Variants in ENAH observed in about 807,000 individuals in gnomAD.
The protein encoded by ENAH is protein enabled homolog.
A neutral mutation model predicts 78.7 loss-of-function variants in ENAH; 23 were observed. The observed-to-expected ratio is 0.29, with a 90% CI of 0.21 to 0.41. The LOEUF (loss-of-function observed/expected upper bound fraction) is 0.41, where lower values mean the gene tolerates loss of function less well. Among genes scored for constraint, ENAH ranks in the 10% least tolerant of loss-of-function variants. ENAH has a pLI of 1.00. For missense variants in ENAH, 544 were observed against 691.0 expected (o/e 0.79, Z 2.39); for synonymous variants, 226 against 241.0 (o/e 0.94, Z 0.58).
intron 3 of ENAH, among the ~76,000 whole-genome samples, chr1:225,537,502 T>C (rs2096567481): frequency 6.6e-6 from 1 of 152,214 alleles, no homozygotes; most frequent in African/African-American, 2.4e-5. Context: ...ATCATATGCA[T>C]AAGCCTAACA....
At chr1:225,524,458 T>C (rs1006474636) in intron 4 of ENAH, 1 of 298,430 alleles carries the variant, frequency 3.4e-6, no homozygotes, top group Admixed American at 6.5e-5. Flanking sequence ...TCTCAGAAAA[T>C]AAAACTACAC....
chr1:225,652,388 C>G, intron 1 of ENAH: 1 of 985,364 alleles, frequency 1.0e-6, no homozygotes, highest in Non-Finnish European at 1.2e-6. Flanking sequence ...CTTGCAAAGG[C>G]TTGGGGGAGG....
At chr1:225,606,987 C>T (rs1239779631) in intron 1 of ENAH, among the ~76,000 whole-genome samples, 8 of 152,038 alleles carry the variant, frequency 5.3e-5, no homozygotes, top group Non-Finnish European at 1.2e-4. Flanking sequence ...GGCACACAGA[C>T]CTGTGAAGGC....
intron 1 of ENAH, among the ~76,000 whole-genome samples, chr1:225,640,817 C>A (rs963914762): frequency 6.6e-6 from 1 of 151,352 alleles, no homozygotes; most frequent in African/African-American, 2.4e-5. Context: ...TAAATGCCAA[C>A]ACTGAAATTA....
chr1:225,488,171 A>T lies in ENAH; in HGVS notation c.*9604T>A, dbSNP rs893907404. 1 of 145,278 alleles carries T rather than the reference A, an allele frequency of 6.9e-6. No individual in the cohort carries two copies. Among genetic ancestry groups the T allele is most frequent in the African/African-American group, 2.5e-5 (1 of 40,598 alleles). 9.0% of individuals were successfully genotyped at this position (145,278 alleles called of 1,614,324 possible). ...TCAAGGACAAGGTTTTTATTTATTT[A>T]TTTATTTATTATTTATTTATTTATT... On this transcript the variant is annotated 3_prime_UTR_variant, in exon 14 of 14. Coordinates refer to ENST00000366843, the MANE Select transcript of ENAH (RefSeq NM_018212.6).
chr1:225,513,385 G>C (rs1225081630), intron 7 of ENAH, among the ~76,000 whole-genome samples: 3 of 152,126 alleles, frequency 2.0e-5, no homozygotes. Flanking sequence ...TTGTCCTACA[G>C]TCTTCAAAAA....
Position 225,514,879 on chromosome 1 carries a change from G to C in ENAH, c.935C>G (p.Ala312Gly), listed in dbSNP as rs1272275853. 2.5e-6 allele frequency: 4 copies of C among 1,610,364 alleles called. No individual in the cohort carries two copies. Among genetic ancestry groups the C allele is most frequent in the Non-Finnish European group, 8.5e-7 (1 of 1,179,076 alleles). Reference sequence around the variant, plus strand: ...TGGGAGTGGTGGAGGAGGTGGAGGTGCAAGTGGTCCCAAGACAATGCCTGA... The same window carrying C: ...TGGGAGTGGTGGAGGAGGTGGAGGTCCAAGTGGTCCCAAGACAATGCCTGA... ...SQQGIVLGPLAPPPPPPLPPG... is the reference protein window; with the variant it reads ...SQQGIVLGPLGPPPPPPLPPG... Residue 312 changes from alanine to glycine, a missense_variant, in exon 7 of 14, where the codon GCA becomes GGA. By Grantham distance (60) the Ala-to-Gly change is moderately conservative. Around this residue, in one of 4 missense-constraint regions of ENAH, gnomAD observed 366 missense variants for 396.1 expected, o/e 0.92. Coordinates refer to ENST00000366843, the MANE Select transcript of ENAH (RefSeq NM_018212.6).
In ENAH at chr1:225,489,029, G is replaced by A. The variant is rs2096211204; in HGVS notation, c.*8746C>T. The A allele has an allele frequency of 6.6e-6, 1 of 152,146 alleles. No homozygotes were observed. The highest frequency in any genetic ancestry group is 6.5e-5 in the Admixed American group (1 of 15,274). 9.4% of individuals were successfully genotyped at this position (152,146 alleles called of 1,614,324 possible). On this transcript the variant is annotated 3_prime_UTR_variant, in exon 14 of 14. Coordinates refer to ENST00000366843, the MANE Select transcript of ENAH (RefSeq NM_018212.6). ...AAGATTATTCCTTTTTTCCTTTCAA[G>A]GCTGACAGTGATAGAATAAACAGCA...
chr1:225,587,462 G>A (rs750185048), intron 1 of ENAH, among the ~76,000 whole-genome samples: 18 of 152,130 alleles, frequency 1.2e-4, no homozygotes, highest in Non-Finnish European at 1.9e-4. Flanking sequence ...AATATCATGC[G>A]TAAAATCTTT....
chr1:225,652,367 C>T, intron 1 of ENAH: 1 of 985,444 alleles, frequency 1.0e-6, no homozygotes, highest in Non-Finnish European at 1.2e-6. Context: ...CTCCCCATCT[C>T]CCGGGTTTCG....
intron 3 of ENAH, among the ~76,000 whole-genome samples, chr1:225,531,718 A>C (rs2096538530): frequency 1.3e-5 from 2 of 152,126 alleles, no homozygotes; most frequent in Admixed American, 1.3e-4. Flanking sequence ...AAATTCTTGT[A>C]ATCTATGGGC....
intron 3 of ENAH, among the ~76,000 whole-genome samples, chr1:225,549,822 C>A (rs1462944695): frequency 6.6e-6 from 1 of 152,194 alleles, no homozygotes; most frequent in African/African-American, 2.4e-5. Context: ...ACCTCCTCTT[C>A]ATTCTGCTCC....
At chr1:225,567,609 G>T (rs1273594609) in intron 1 of ENAH, among the ~76,000 whole-genome samples, 195 bp from the exon 2 acceptor site, 5 of 151,968 alleles carry the variant, frequency 3.3e-5, no homozygotes, top group African/African-American at 1.2e-4. Flanking sequence ...AAAAAATAAA[G>T]TATAATTAAA....
At chr1:225,511,246 G>C (rs894324743) in intron 10 of ENAH, among the ~76,000 whole-genome samples, 18 of 152,110 alleles carry the variant, frequency 1.2e-4, no homozygotes, top group African/African-American at 4.3e-4. Context: ...AATAACATGT[G>C]AATATGTAAT....
intron 1 of ENAH, among the ~76,000 whole-genome samples, chr1:225,599,474 A>ATG (rs565698574): frequency 8.1e-4 from 123 of 152,226 alleles, no homozygotes; most frequent in African/African-American, 2.8e-3. Flanking sequence ...TGTGACTTAA[A>ATG]TGGTTTGGAT....
rs544546114 is a variant in ENAH at position 225,520,669 on chromosome 1, C to A, written c.435-1104G>T. Among the ~76,000 whole-genome samples, 108 of 151,892 alleles carry A rather than the reference C, an allele frequency of 7.1e-4. 1 individual carries two copies. Among genetic ancestry groups the A allele is most frequent in the African/African-American group, 2.4e-3 (101 of 41,408 alleles). ...CCCAAGAGTTCAAGATGGGCCTGCACAACAAAGCAAGACCCATCTCTACAA... is the reference window on the plus strand; with the variant it reads ...CCCAAGAGTTCAAGATGGGCCTGCAAAACAAAGCAAGACCCATCTCTACAA... On this transcript the variant is annotated intron_variant, in intron 4 of 13. Transcript: ENST00000366843.
chr1:225,598,200 A>G (rs1422237559), intron 1 of ENAH, among the ~76,000 whole-genome samples: 1 of 152,164 alleles, frequency 6.6e-6, no homozygotes, highest in African/African-American at 2.4e-5. Flanking sequence ...TTGCATACAC[A>G]CATATCAAAA....
intron 1 of ENAH, among the ~76,000 whole-genome samples, chr1:225,572,441 A>G (rs2096767842): frequency 6.6e-6 from 1 of 152,222 alleles, no homozygotes; most frequent in Non-Finnish European, 1.5e-5. Context: ...AAAAATAGGA[A>G]TATTTCAAAA....
At chr1:225,560,688 G>T (rs1230740925) in intron 2 of ENAH, among the ~76,000 whole-genome samples, 1 of 152,030 alleles carries the variant, frequency 6.6e-6, no homozygotes, top group Non-Finnish European at 1.5e-5. Context: ...TATTGGGGTG[G>T]GGGTGTCACA....
Sources: gnomAD v4.1 joint callset for allele counts (sites outside exome capture counted in the v4.1 genomes callset) on GRCh38, gnomAD v4.1.1 for gene constraint, gnomAD v4.1.1 regional missense constraint, MANE v1.5 for transcripts, NCBI Gene and HGNC (gene_info 2026-07-23, HGNC 2026-07-21) for gene names.